The following NFIB variants were observed in gnomAD, a reference collection of about 807,000 sequenced individuals.
The protein encoded by NFIB is nuclear factor 1 B-type.
Under a neutral mutation model 61.5 loss-of-function variants are expected in NFIB, and 11 were observed. That is an observed-to-expected ratio of 0.18 (90% confidence interval 0.11 to 0.30). The LOEUF is 0.30. NFIB is among the 10% of genes least tolerant of loss of function. NFIB has a pLI of 1.00. For synonymous variants in NFIB, 260 were observed against 216.5 expected (o/e 1.20, Z -1.76); for missense variants, 471 against 608.9 (o/e 0.77, Z 2.38).
chr9:14,182,720 G>C (rs879579930), intron 2 of NFIB, among the ~76,000 whole-genome samples: 8,964 of 134,056 alleles, frequency 0.067, 537 homozygotes, highest in African/African-American at 0.16. Flanking sequence ...GTGTGTGTGT[G>C]TGTGTGTGTG....
At chr9:14,331,884 C>G (rs1343214506) in intron 1 of NFIB, among the ~76,000 whole-genome samples, 1 of 152,176 alleles carries the variant, frequency 6.6e-6, no homozygotes, top group Non-Finnish European at 1.5e-5. Context: ...TTTTCTGAAT[C>G]TATATATCGA....
the NFIB span, among the ~76,000 whole-genome samples, chr9:14,497,498 G>C: frequency 6.6e-6 from 1 of 152,188 alleles, no homozygotes; most frequent in Non-Finnish European, 1.5e-5. Context: ...TTTTAAGAAG[G>C]AAGTAGGGAA....
At chr9:14,467,111 G>A in the NFIB span, among the ~76,000 whole-genome samples, 1 of 152,208 alleles carries the variant, frequency 6.6e-6, no homozygotes, top group Non-Finnish European at 1.5e-5. Context: ...CCTTCGAGGT[G>A]TTGGGTGGTG....
At chr9:14,428,465 G>T in the NFIB span, among the ~76,000 whole-genome samples, 12 of 152,262 alleles carry the variant, frequency 7.9e-5, no homozygotes, top group East Asian at 2.3e-3. Flanking sequence ...ATGTTTTGGA[G>T]ATTGGGGGGA....
the NFIB span, among the ~76,000 whole-genome samples, chr9:14,425,943 G>T: frequency 1.3e-5 from 2 of 152,126 alleles, no homozygotes; most frequent in East Asian, 1.9e-4. Flanking sequence ...GAAGAAAAAC[G>T]AGTCTTCCTT....
intron 10 of NFIB, among the ~76,000 whole-genome samples, chr9:14,103,000 G>A (rs1379462960): frequency 6.6e-6 from 1 of 152,184 alleles, no homozygotes; most frequent in Non-Finnish European, 1.5e-5. Context: ...CCTAACTTGT[G>A]TTTAGAAGCA....
chr9:14,112,481 C>T (rs1399981982), intron 10 of NFIB, among the ~76,000 whole-genome samples: 1 of 152,150 alleles, frequency 6.6e-6, no homozygotes, highest in African/African-American at 2.4e-5. Flanking sequence ...TTTATCACAT[C>T]TGAAATCAGT....
At chr9:14,160,368 C>T (rs1243751276) in intron 3 of NFIB, among the ~76,000 whole-genome samples, 1 of 151,946 alleles carries the variant, frequency 6.6e-6, no homozygotes, top group African/African-American at 2.4e-5. Flanking sequence ...ACAACATTTA[C>T]ATAGAAAATC....
At chr9:14,285,188 T>A (rs973337676) in intron 2 of NFIB, among the ~76,000 whole-genome samples, 1 of 152,178 alleles carries the variant, frequency 6.6e-6, no homozygotes, top group Non-Finnish European at 1.5e-5. Context: ...AAGGGTGCAA[T>A]CTCAGCTCAC....
intron 2 of NFIB, among the ~76,000 whole-genome samples, chr9:14,182,839 T>C (rs891677731): frequency 2.6e-5 from 4 of 151,684 alleles, no homozygotes; most frequent in African/African-American, 9.7e-5. Context: ...CTCTTAAGAG[T>C]CTTGGTGTCT....
At chr9:14,287,693 T>C (rs1287583051) in intron 2 of NFIB, among the ~76,000 whole-genome samples, 5 of 151,946 alleles carry the variant, frequency 3.3e-5, no homozygotes, top group Admixed American at 3.3e-4. Context: ...GTGCTGGGAT[T>C]ACAGGCATGA....
intron 2 of NFIB, among the ~76,000 whole-genome samples, chr9:14,200,550 C>T (rs2048921891): frequency 6.6e-6 from 1 of 152,122 alleles, no homozygotes; most frequent in Non-Finnish European, 1.5e-5. Flanking sequence ...ACTTGACTTT[C>T]CCAGACTCTA....
intron 1 of NFIB, among the ~76,000 whole-genome samples, chr9:14,373,489 A>T (rs889460137): frequency 5.9e-5 from 9 of 152,046 alleles, no homozygotes; most frequent in African/African-American, 2.2e-4. Context: ...AATCTTTTTG[A>T]ATTATTGTTT....
chr9:14,458,640 T>C, the NFIB span, among the ~76,000 whole-genome samples: 113,959 of 152,108 alleles, frequency 0.75, 42,900 homozygotes, highest in East Asian at 0.87. Context: ...CTCAAAATCT[T>C]CTTAAGCTGA....
intron 2 of NFIB, among the ~76,000 whole-genome samples, chr9:14,264,567 A>G (rs116616587): frequency 0.011 from 1,711 of 152,284 alleles, 34 homozygotes; most frequent in African/African-American, 0.037. Context: ...ATTTTTATCT[A>G]TCTGAGGATT....
At chr9:14,398,633 C>T in exon 1 of NFIB, 1 of 1,525,090 alleles carries the variant, frequency 6.6e-7, no homozygotes, top group Non-Finnish European at 8.8e-7. Flanking sequence ...TCTTTCCATA[C>T]TCCGAACGGA....
upstream of NFIB, among the ~76,000 whole-genome samples, chr9:14,401,118 G>C (rs1247677826): frequency 6.6e-6 from 1 of 152,186 alleles, no homozygotes; most frequent in Non-Finnish European, 1.5e-5. Flanking sequence ...AGATATGACA[G>C]ACAATTCCAA....
At chr9:14,366,572 G>A (rs887777146) in intron 1 of NFIB, among the ~76,000 whole-genome samples, 1 of 151,662 alleles carries the variant, frequency 6.6e-6, no homozygotes, top group Admixed American at 6.6e-5. Flanking sequence ...TGCAACCTCC[G>A]CCTTCCAGGT....
At chr9:14,514,252 T>C in the NFIB span, among the ~76,000 whole-genome samples, 1 of 152,080 alleles carries the variant, frequency 6.6e-6, no homozygotes, top group Non-Finnish European at 1.5e-5. Context: ...GCAATTTTTT[T>C]ACTGTGATAC....
Sources: gnomAD v4.1 joint callset for allele counts (sites outside exome capture counted in the v4.1 genomes callset) on GRCh38, gnomAD v4.1.1 for gene constraint, MANE v1.5 for transcripts, NCBI Gene and HGNC (gene_info 2026-07-23, HGNC 2026-07-21) for gene names.